Variants in NRG3 observed in about 807,000 individuals in gnomAD.
NRG3 encodes the protein pro-neuregulin-3, membrane-bound isoform.
In NRG3, 31 loss-of-function variants were observed where a neutral mutation model predicts 66.9. That is an observed-to-expected ratio of 0.46 (90% CI 0.35 to 0.63). The LOEUF is 0.63. Ranked by LOEUF, NRG3 falls within the 20% of genes least tolerant of loss-of-function variation. The pLI, the probability that NRG3 is intolerant of heterozygous loss-of-function variation, is 0.00. For synonymous variants in NRG3, 393 were observed against 359.4 expected, an observed-to-expected ratio of 1.09 and a Z score of -1.06; for missense variants, 910 against 878.9, an observed-to-expected ratio of 1.04 and a Z score of -0.45.
chr10:82,254,357 C>T (rs928737045), intron 1 of NRG3, among the ~76,000 whole-genome samples: 5 of 152,096 alleles, frequency 3.3e-5, no homozygotes, highest in African/African-American at 1.2e-4. Flanking sequence ...CTGAGTGGCA[C>T]AACAGGGGCA....
At chr10:82,895,263 C>T (rs1843541253) in intron 4 of NRG3, among the ~76,000 whole-genome samples, 1 of 152,126 alleles carries the variant, frequency 6.6e-6, no homozygotes, top group South Asian at 2.1e-4. Flanking sequence ...GTGTGTCACT[C>T]ATTTCAGACC....
chr10:82,090,479 T>G (rs985069750), intron 1 of NRG3, among the ~76,000 whole-genome samples: 1 of 152,196 alleles, frequency 6.6e-6, no homozygotes, highest in South Asian at 2.1e-4. Context: ...AGCAACAAAG[T>G]ATGAGGAAAA....
intron 2 of NRG3, among the ~76,000 whole-genome samples, chr10:82,552,909 C>T (rs1304267945): frequency 2.0e-5 from 3 of 152,016 alleles, no homozygotes. Flanking sequence ...TATTGTCCTT[C>T]CCATGGAGTG....
intron 3 of NRG3, among the ~76,000 whole-genome samples, chr10:82,857,721 A>AT (rs1235333135): frequency 6.6e-6 from 1 of 152,192 alleles, no homozygotes; most frequent in Non-Finnish European, 1.5e-5. Context: ...GATTAATATG[A>AT]TTTTTTACAT....
chr10:82,424,043 G>A (rs966229655), intron 2 of NRG3, among the ~76,000 whole-genome samples: 5 of 152,010 alleles, frequency 3.3e-5, no homozygotes, highest in Admixed American at 2.6e-4. Flanking sequence ...TTCATCAGCT[G>A]ATGGACATTT....
chr10:82,398,491 ATG>A (rs1164444421), intron 2 of NRG3, among the ~76,000 whole-genome samples: 10,193 of 138,478 alleles, frequency 0.074, 357 homozygotes, highest in African/African-American at 0.085. Flanking sequence ...GGCTTCGTGT[ATG>A]TGTGTGTGTG....
intron 1 of NRG3, among the ~76,000 whole-genome samples, chr10:82,114,842 C>T (rs961742247): frequency 7.2e-5 from 11 of 152,062 alleles, no homozygotes; most frequent in Non-Finnish European, 2.9e-5. Context: ...AAGGGCCAAG[C>T]CTGTTTCCTC....
At chr10:82,750,694 A>C (rs1044833591) in intron 3 of NRG3, among the ~76,000 whole-genome samples, 7 of 152,180 alleles carry the variant, frequency 4.6e-5, no homozygotes, top group African/African-American at 1.7e-4. Flanking sequence ...ATTCACCTAC[A>C]AAAATAATCA....
At chr10:81,968,123 GC>G (rs1192598306) in intron 1 of NRG3, among the ~76,000 whole-genome samples, 2 of 152,158 alleles carry the variant, frequency 1.3e-5, no homozygotes, top group African/African-American at 2.4e-5. Flanking sequence ...CCTGCTCTGT[GC>G]CCTGCATTTG....
intron 4 of NRG3, among the ~76,000 whole-genome samples, chr10:82,940,157 T>C (rs542202705): frequency 4.6e-5 from 7 of 152,286 alleles, no homozygotes; most frequent in African/African-American, 1.7e-4. Context: ...TCAGGCTTAA[T>C]AGTATTTATT....
intron 1 of NRG3, among the ~76,000 whole-genome samples, chr10:81,935,442 G>C (rs1477683322): frequency 6.6e-6 from 1 of 152,124 alleles, no homozygotes; most frequent in Non-Finnish European, 1.5e-5. Flanking sequence ...TGAAAGGTAA[G>C]TAAGGAAAAG....
chr10:82,319,805 A>G (rs937314475), intron 1 of NRG3, among the ~76,000 whole-genome samples: 6 of 152,184 alleles, frequency 3.9e-5, no homozygotes, highest in Non-Finnish European at 5.9e-5. Flanking sequence ...GGCTGACTTC[A>G]CAGCTCAATC....
At chr10:82,075,267 T>C (rs568985219) in intron 1 of NRG3, among the ~76,000 whole-genome samples, 1 of 152,318 alleles carries the variant, frequency 6.6e-6, no homozygotes, top group Non-Finnish European at 1.5e-5. Flanking sequence ...ATGTGTTGTG[T>C]ATGTGGCAGT....
chr10:82,759,678 G>T (rs1402657120), intron 3 of NRG3, among the ~76,000 whole-genome samples: 1 of 152,144 alleles, frequency 6.6e-6, no homozygotes, highest in Admixed American at 6.6e-5. Context: ...CTTAGCCAAA[G>T]TGATGAGAAG....
intron 2 of NRG3, among the ~76,000 whole-genome samples, chr10:82,588,489 T>C (rs1188928662): frequency 6.6e-6 from 1 of 152,002 alleles, no homozygotes; most frequent in African/African-American, 2.4e-5. Context: ...TGCAGAACTG[T>C]GAACCAATTG....
intron 3 of NRG3, among the ~76,000 whole-genome samples, chr10:82,810,528 C>T (rs1381670080): frequency 1.3e-5 from 2 of 151,750 alleles, no homozygotes; most frequent in Non-Finnish European, 2.9e-5. Context: ...TTTGGGAGGC[C>T]GAGGCAGGTG....
At chr10:82,636,360 A>C (rs1291779534) in intron 2 of NRG3, among the ~76,000 whole-genome samples, 2 of 152,090 alleles carry the variant, frequency 1.3e-5, no homozygotes, top group African/African-American at 2.4e-5. Context: ...TCTAAATACC[A>C]TTCTTCTCCA....
At chr10:82,018,243 G>T (rs982955291) in intron 1 of NRG3, among the ~76,000 whole-genome samples, 3 of 152,120 alleles carry the variant, frequency 2.0e-5, no homozygotes, top group African/African-American at 7.2e-5. Context: ...TCAGATGGTT[G>T]CAGATGTGTG....
At chr10:82,607,339 C>T (rs1021621932) in intron 2 of NRG3, among the ~76,000 whole-genome samples, 1 of 152,000 alleles carries the variant, frequency 6.6e-6, no homozygotes, top group Admixed American at 6.6e-5. Context: ...TGTAATGCTC[C>T]TCTTTATCAC....
Sources: allele counts gnomAD v4.1 joint callset (sites outside exome capture counted in the v4.1 genomes callset), GRCh38; gene constraint gnomAD v4.1.1; transcripts MANE v1.5; gene names NCBI Gene and HGNC (gene_info 2026-07-23, HGNC 2026-07-21).